Variants in WDR17 observed in about 807,000 individuals in gnomAD.
The protein encoded by WDR17 is WD repeat-containing protein 17.
WDR17 carries 143 observed loss-of-function variants against 161.7 expected under a neutral mutation model. The ratio of observed to expected loss-of-function variants is 0.88; its 90% CI spans 0.77 to 1.02. The LOEUF is 1.02. Ranked by LOEUF, WDR17 falls within the 50% of genes least tolerant of loss-of-function variation. The pLI, the probability that WDR17 is intolerant of heterozygous loss-of-function variation, is 0.00. For missense variants in WDR17, 1,469 were observed against 1,520.9 expected (o/e 0.97, Z 0.57); for synonymous variants, 517 against 515.6 (o/e 1.00, Z -0.04).
At chr4:176,179,435 T>G in intron 28 of WDR17, 25 bp from the exon 29 acceptor site, 1 of 1,491,216 alleles carries the variant, frequency 6.7e-7, no homozygotes, top group Non-Finnish European at 8.9e-7. Flanking sequence ...TCTCATCTTC[T>G]CTTTCCTCAA....
At position 176,131,610 on chromosome 4, in the gene WDR17, C is replaced by G. The variant is rs139987645; in HGVS notation, c.970C>G (p.Pro324Ala). Reference sequence around the variant, plus strand: ...TACATCCTCAACAAGCGAAGCAGTTCCACCCCCAACTTTAACACAGAATCA... The same window carrying G: ...TACATCCTCAACAAGCGAAGCAGTTGCACCCCCAACTTTAACACAGAATCA... ...HYTSSTSEAV[P>A]PPTLTQNQAF... Residue 324 changes from proline to alanine, a missense_variant, in exon 7 of 29, where the codon CCA (proline) becomes GCA (alanine). Transcript: ENST00000508596. 31 of 1,613,252 alleles carry G rather than the reference C, an allele frequency of 1.9e-5. No individual in the cohort carries two copies. Among genetic ancestry groups the G allele is most frequent in the Non-Finnish European group, 2.5e-5 (29 of 1,179,664 alleles).
chr4:176,099,528 G>A (rs898963631), intron 1 of WDR17, among the ~76,000 whole-genome samples: 1 of 152,056 alleles, frequency 6.6e-6, no homozygotes, highest in Non-Finnish European at 1.5e-5. Flanking sequence ...TCCAGCAGGG[G>A]GAGGGGAAAA....
intron 9 of WDR17, among the ~76,000 whole-genome samples, chr4:176,138,834 T>C (rs2126781291): frequency 6.6e-6 from 1 of 151,952 alleles, no homozygotes; most frequent in African/African-American, 2.4e-5. Flanking sequence ...CAACATTCAC[T>C]AGCGAAATTG....
chr4:176,128,599 T>G, intron 5 of WDR17, 139 bp from the exon 6 acceptor site: 1 of 787,170 alleles, frequency 1.3e-6, no homozygotes, highest in African/African-American at 1.8e-5. Flanking sequence ...GTTGTATTAC[T>G]GTATGGTATT....
At position 176,182,772 on chromosome 4, in the gene WDR17, T is replaced by A. The variant is rs1276869479; in HGVS notation, c.*3193T>A. On this transcript the variant is annotated 3_prime_UTR_variant, in exon 29 of 29. Coordinates refer to ENST00000508596, the MANE Select transcript of WDR17 (RefSeq NM_181265.4). This position sits in a 1 kb window ranked among gnomAD's most constrained non-coding sequence, Gnocchi z 4.2. ...TCTAGATTTATATGTATGTACGTAT[T>A]TCAGGTCCTTGAAATTTTAATAAAT... 1 of 152,172 alleles carries A rather than the reference T, an allele frequency of 6.6e-6. No individual in the cohort carries two copies. The highest frequency in any genetic ancestry group is 1.5e-5 in the Non-Finnish European group (1 of 68,026). 9.4% of individuals were successfully genotyped at this position (152,172 alleles called of 1,614,324 possible). A position where few individuals can be genotyped will look rare whatever the true frequency, so the allele number is the denominator to read the frequency against.
At chr4:176,115,378 T>G (rs1740437071) in intron 2 of WDR17, among the ~76,000 whole-genome samples, 1 of 151,906 alleles carries the variant, frequency 6.6e-6, no homozygotes, top group Admixed American at 6.6e-5. Context: ...ATCTTAATAG[T>G]GTAATAATGA....
chr4:176,142,041 T>A lies in WDR17; in HGVS notation c.1501T>A (p.Phe501Ile), dbSNP rs1471940873. 1 of 1,611,060 alleles carries A rather than the reference T, an allele frequency of 6.2e-7. No homozygotes were observed. Among genetic ancestry groups the A allele is most frequent in the African/African-American group, 1.3e-5 (1 of 74,882 alleles). Residue 501 changes from phenylalanine to isoleucine, a missense_variant, in exon 11 of 29, where the codon TTT becomes ATT. By Grantham distance (21) the Phe-to-Ile change is conservative. Coordinates refer to ENST00000508596, the MANE Select transcript of WDR17 (RefSeq NM_181265.4). ...CAAATATAAACATCCAGCTGCAGTG[T>A]TTGGTTGTGATTGGAGCCAAAACAA... ...LHKYKHPAAV[F>I]GCDWSQNNKD...
chr4:176,114,468 G>T (rs1261848980), intron 2 of WDR17, among the ~76,000 whole-genome samples: 2 of 152,022 alleles, frequency 1.3e-5, no homozygotes, highest in Non-Finnish European at 2.9e-5. Flanking sequence ...AGCATTATCT[G>T]CGATGGCAAA....
At position 176,111,683 on chromosome 4, in the gene WDR17, C is replaced by A. The variant is rs761145096; in HGVS notation, c.103C>A (p.Leu35Met). ...SGDRFAYCAT[L>M]AIYIYQLDHR... ...AGACAGGTTTGCATATTGTGCGACCCTGGCTATCTATATTTATCAGGTAAA... is the reference window on the plus strand; with the variant it reads ...AGACAGGTTTGCATATTGTGCGACCATGGCTATCTATATTTATCAGGTAAA... The change falls in exon 2 of 29, where the codon CTG (leucine) becomes ATG (methionine). Residue 35 changes from leucine to methionine, a missense_variant. By Grantham distance (15) the Leu-to-Met change is conservative. Coordinates refer to ENST00000508596, the MANE Select transcript of WDR17 (RefSeq NM_181265.4). The A allele has an allele frequency of 8.1e-6, 13 of 1,597,888 alleles. No individual in the cohort carries two copies. The highest frequency in any genetic ancestry group is 1.3e-5 in the African/African-American group (1 of 74,528).
At chr4:176,165,182 A>C (rs60018560) in intron 22 of WDR17, among the ~76,000 whole-genome samples, 72,382 of 147,412 alleles carry the variant, frequency 0.49, 18,417 homozygotes, top group Admixed American at 0.61. Context: ...AAAAAAAAAA[A>C]CCCATTACTA....
chr4:176,149,306 G>T (rs1442639252), intron 13 of WDR17, among the ~76,000 whole-genome samples: 1 of 151,106 alleles, frequency 6.6e-6, no homozygotes, highest in Non-Finnish European at 1.5e-5. Flanking sequence ...CTCTGGCTCT[G>T]TTGCCCAGGA....
intron 1 of WDR17, among the ~76,000 whole-genome samples, chr4:176,094,645 G>C (rs1043415958): frequency 2.6e-5 from 4 of 152,170 alleles, no homozygotes; most frequent in African/African-American, 9.7e-5. Context: ...GCATTAGTTT[G>C]TACAGGACAC....
At chr4:176,085,247 T>A (rs527648149) in intron 1 of WDR17, among the ~76,000 whole-genome samples, 33 of 152,244 alleles carry the variant, frequency 2.2e-4, no homozygotes, top group African/African-American at 7.7e-4. Context: ...TATCTTTACT[T>A]TTTTGTTTAA....
chr4:176,101,282 G>A (rs1017366508), intron 1 of WDR17, among the ~76,000 whole-genome samples: 1 of 152,046 alleles, frequency 6.6e-6, no homozygotes, highest in Admixed American at 6.6e-5. Flanking sequence ...TCATGGGCAC[G>A]TGACTGAGAC....
At chr4:176,151,034 T>C (rs1381983604) in intron 16 of WDR17, among the ~76,000 whole-genome samples, 4 of 152,210 alleles carry the variant, frequency 2.6e-5, no homozygotes, top group South Asian at 4.1e-4. Flanking sequence ...ACAAAACCCA[T>C]TCTGGCACCA....
chr4:176,139,803 C>T (rs2126783871), intron 9 of WDR17, 89 bp from the exon 10 acceptor site: 1 of 1,093,176 alleles, frequency 9.1e-7, no homozygotes, highest in African/African-American at 1.6e-5. Context: ...ACATTCCTAA[C>T]AGAAAAGTAA....
At chr4:176,090,285 C>T (rs1255650048) in intron 1 of WDR17, among the ~76,000 whole-genome samples, 4 of 151,028 alleles carry the variant, frequency 2.6e-5, no homozygotes, top group Admixed American at 2.6e-4. Flanking sequence ...CCTGGCATTT[C>T]CTTCCTCTTT....
rs1046584193 is a variant in WDR17, at chr4:176,181,654, CT to C, written c.*2077del. On this transcript the variant is annotated 3_prime_UTR_variant, in exon 29 of 29. Coordinates refer to ENST00000508596, the MANE Select transcript of WDR17 (RefSeq NM_181265.4). ...GCACATATGTACTAAAAACCCCTCA[CT>C]TAAAAATGGCAGTCTCAATCCTACT... The C allele has an allele frequency of 6.5e-6, 1 of 153,790 alleles. No homozygotes were observed. Among genetic ancestry groups the C allele is most frequent in the African/African-American group, 2.4e-5 (1 of 41,408 alleles). 9.5% of individuals were successfully genotyped at this position (153,790 alleles called of 1,614,324 possible). A position where few individuals can be genotyped will look rare whatever the true frequency, so the allele number is the denominator to read the frequency against.
At position 176,174,639 on chromosome 4, in the gene WDR17, T is replaced by C; in HGVS notation, c.3370T>C (p.Leu1124=). ...TAGAGCTCGAAATGAGTTGCTGATATTATGTGGTTACATTGGTGCATTACT... is the reference window on the plus strand; with the variant it reads ...TAGAGCTCGAAATGAGTTGCTGATACTATGTGGTTACATTGGTGCATTACT... ...CTEARNELLI[L]CGYIGALLAI... The change falls in exon 26 of 29, where the codon TTA becomes CTA. Residue 1124 remains leucine, a synonymous_variant. Transcript: ENST00000508596. The C allele has an allele frequency of 6.2e-7, 1 of 1,610,674 alleles. No homozygotes were observed. The highest frequency in any genetic ancestry group is 8.5e-7 in the Non-Finnish European group (1 of 1,178,220).
Sources: gnomAD v4.1 joint callset for allele counts (sites outside exome capture counted in the v4.1 genomes callset) on GRCh38, gnomAD v4.1.1 for gene constraint, Gnocchi (gnomAD v3.1) non-coding constraint, MANE v1.5 for transcripts, NCBI Gene and HGNC (gene_info 2026-07-23, HGNC 2026-07-21) for gene names.